PRKN: variants seen among roughly 807,000 people sequenced by gnomAD.
The protein encoded by PRKN is E3 ubiquitin-protein ligase parkin.
A neutral mutation model predicts 59.5 loss-of-function variants in PRKN; 56 were observed. The observed-to-expected ratio is 0.94, with a 90% confidence interval of 0.76 to 1.18. The LOEUF is 1.18. Among genes scored for constraint, PRKN ranks in the 50% most tolerant of loss-of-function variants. The probability of loss-of-function intolerance (pLI) is 0.00; values close to 1 mark genes in which losing one functional copy is unlikely to be tolerated. For missense variants in PRKN, 657 were observed against 596.4 expected (o/e 1.10, Z -1.06); for synonymous variants, 250 against 222.1 (o/e 1.13, Z -1.12).
At chr6:162,228,637 G>A (rs9347602) in intron 3 of PRKN, among the ~76,000 whole-genome samples, 2 of 151,944 alleles carry the variant, frequency 1.3e-5, no homozygotes, top group African/African-American at 4.8e-5. Flanking sequence ...TATGTGAGCT[G>A]ATTGAAGTTA....
At chr6:162,447,034 A>T (rs1790347638) in intron 1 of PRKN, among the ~76,000 whole-genome samples, 1 of 152,184 alleles carries the variant, frequency 6.6e-6, no homozygotes, top group Admixed American at 6.5e-5. Context: ...GATCTAATAA[A>T]TCGGTATAAG....
chr6:161,567,055 G>A (rs1369059587), intron 8 of PRKN, among the ~76,000 whole-genome samples: 2 of 128,468 alleles, frequency 1.6e-5, no homozygotes, highest in Admixed American at 8.5e-5. Flanking sequence ...GTGTGTGTGT[G>A]TGTGAGAGAG....
chr6:162,630,694 T>C (rs1297386649), intron 1 of PRKN, among the ~76,000 whole-genome samples: 1 of 152,136 alleles, frequency 6.6e-6, no homozygotes, highest in Non-Finnish European at 1.5e-5. Context: ...GAGCCTTGAA[T>C]TCTGTCACCA....
chr6:162,346,767 A>G (rs9458528), intron 2 of PRKN, among the ~76,000 whole-genome samples: 8,614 of 152,240 alleles, frequency 0.057, 821 homozygotes, highest in African/African-American at 0.2. Context: ...TCAATATGGT[A>G]AATTACATTA....
chr6:162,724,776 G>GT (rs1779061843), intron 1 of PRKN, among the ~76,000 whole-genome samples: 1 of 152,152 alleles, frequency 6.6e-6, no homozygotes, highest in African/African-American at 2.4e-5. Flanking sequence ...TACAGAATGA[G>GT]TTTATAGACT....
At chr6:162,577,525 G>A (rs534806757) in intron 1 of PRKN, among the ~76,000 whole-genome samples, 3 of 152,092 alleles carry the variant, frequency 2.0e-5, no homozygotes, top group East Asian at 1.9e-4. Context: ...GCTTGAACCC[G>A]GGAGGCGGGG....
intron 2 of PRKN, among the ~76,000 whole-genome samples, chr6:162,396,585 C>G (rs917913709): frequency 6.6e-6 from 1 of 152,094 alleles, no homozygotes; most frequent in Non-Finnish European, 1.5e-5. Flanking sequence ...CCCGAGGTCC[C>G]ACATCGAGCA....
intron 4 of PRKN, among the ~76,000 whole-genome samples, chr6:162,177,647 G>A (rs550853862): frequency 3.2e-4 from 47 of 147,146 alleles, no homozygotes; most frequent in Admixed American, 2.1e-3. Context: ...ATAATTAAGC[G>A]AAAAAAAAAA....
rs1478051952 is a variant in PRKN at position 162,716,755 on chromosome 6, C to A, written c.7+10907G>T. The stretch of plus-strand genomic sequence containing the variant: ...TCAACTAGTCCATACACCCTACCCG[C>A]CTGCGCGCGCGCGCACGCACACACA... On this transcript the variant is annotated intron_variant, in intron 1 of 11. Coordinates refer to ENST00000366898, the MANE Select transcript of PRKN (RefSeq NM_004562.3). Among the ~76,000 whole-genome samples, 3 of 148,908 alleles carry A rather than the reference C, an allele frequency of 2.0e-5. No homozygotes were observed. The Admixed American group carries it at 2.0e-4, about 10-fold the overall frequency.
intron 7 of PRKN, among the ~76,000 whole-genome samples, chr6:161,601,606 G>A (rs1404513769): frequency 1.4e-5 from 2 of 147,566 alleles, no homozygotes; most frequent in African/African-American, 2.5e-5. Context: ...TTTTTTGGAC[G>A]GAGTTTCGCT....
At chr6:161,616,009 G>T (rs1782679309) in intron 7 of PRKN, among the ~76,000 whole-genome samples, 1 of 152,056 alleles carries the variant, frequency 6.6e-6, no homozygotes, top group South Asian at 2.1e-4. Context: ...ACTCCCTCAG[G>T]GTCTCCCGTC....
chr6:162,067,388 CA>C (rs1203133977), intron 4 of PRKN, among the ~76,000 whole-genome samples: 4 of 152,124 alleles, frequency 2.6e-5, no homozygotes, highest in Admixed American at 6.6e-5. Flanking sequence ...AAGAAACCAA[CA>C]AGAATTTTCT....
intron 9 of PRKN, among the ~76,000 whole-genome samples, chr6:161,519,032 T>C (rs1189469182): frequency 2.0e-5 from 3 of 152,234 alleles, no homozygotes; most frequent in African/African-American, 7.2e-5. Context: ...TAGACATTTA[T>C]AGCGCAATGT....
intron 5 of PRKN, among the ~76,000 whole-genome samples, chr6:162,053,520 G>A (rs565772233): frequency 2.0e-5 from 3 of 151,978 alleles, no homozygotes; most frequent in African/African-American, 7.3e-5. Context: ...AAATATCTGC[G>A]GTCTATGAAA....
chr6:162,084,618 T>C (rs1184246742), intron 4 of PRKN, among the ~76,000 whole-genome samples: 1 of 152,130 alleles, frequency 6.6e-6, no homozygotes, highest in Admixed American at 6.5e-5. Flanking sequence ...ATGCAGATTA[T>C]CTGAGAGATA....
chr6:161,490,493 C>T (rs1182342399), intron 9 of PRKN, among the ~76,000 whole-genome samples: 3 of 149,818 alleles, frequency 2.0e-5, no homozygotes, highest in East Asian at 2.0e-4. Flanking sequence ...TGGGTTCAAG[C>T]GATTCTCCTG....
At position 162,605,523 on chromosome 6, in the gene PRKN, A is replaced by AC. The variant is rs539812831; in HGVS notation, c.7+122138dup. ...GTCTGTCTATTCAGTAATTCAAAACACCCTAAGAACTCAAAATACTAAAGA... is the reference window on the plus strand; with the variant it reads ...GTCTGTCTATTCAGTAATTCAAAACACCCCTAAGAACTCAAAATACTAAAGA... On this transcript the variant is annotated intron_variant, in intron 1 of 11. Transcript: ENST00000366898. Among the ~76,000 whole-genome samples, 4 of 152,236 alleles carry AC rather than the reference A, an allele frequency of 2.6e-5. No individual in the cohort carries two copies. The South Asian group carries it at 8.3e-4, about 32-fold the overall frequency.
chr6:161,629,510 G>A (rs929471013), intron 7 of PRKN, among the ~76,000 whole-genome samples: 1 of 152,004 alleles, frequency 6.6e-6, no homozygotes, highest in Non-Finnish European at 1.5e-5. Context: ...TAGCCCTTCT[G>A]CTTAAAACCT....
intron 5 of PRKN, among the ~76,000 whole-genome samples, chr6:162,005,171 A>C (rs2128264510): frequency 6.6e-6 from 1 of 152,354 alleles, no homozygotes; most frequent in South Asian, 2.1e-4. Context: ...AAAAAGGGAA[A>C]TGACAACATA....
Sources: gnomAD v4.1 joint callset for allele counts (sites outside exome capture counted in the v4.1 genomes callset) on GRCh38, gnomAD v4.1.1 for gene constraint, MANE v1.5 for transcripts, NCBI Gene and HGNC (gene_info 2026-07-23, HGNC 2026-07-21) for gene names.